MACC1: variants seen among roughly 807,000 people sequenced by gnomAD.
The protein encoded by MACC1 is metastasis-associated in colon cancer protein 1.
In MACC1, 79 loss-of-function variants were observed where a neutral mutation model predicts 70.7. The ratio of observed to expected loss-of-function variants is 1.12; its 90% CI spans 0.93 to 1.35. The LOEUF (loss-of-function observed/expected upper bound fraction) is 1.35, where lower values mean the gene tolerates loss of function less well. MACC1 is among the 40% of genes most tolerant of loss of function. The pLI, the probability that MACC1 is intolerant of heterozygous loss-of-function variation, is 0.00. For missense variants in MACC1, 1,106 were observed against 978.1 expected (o/e 1.13, Z -1.74); for synonymous variants, 361 against 347.2 (o/e 1.04, Z -0.44).
At chr7:20,189,940 G>C (rs1782648540) in intron 1 of MACC1, among the ~76,000 whole-genome samples, 1 of 152,068 alleles carries the variant, frequency 6.6e-6, no homozygotes, top group Admixed American at 6.6e-5. Context: ...TTCTTGGTGA[G>C]GGCCCTCTTC....
chr7:20,188,314 G>C (rs1056648318), intron 1 of MACC1, among the ~76,000 whole-genome samples: 3 of 152,046 alleles, frequency 2.0e-5, no homozygotes, highest in African/African-American at 7.2e-5. Context: ...CCCTTTGCTT[G>C]GATTTCTTTC....
At chr7:20,152,326 C>A (rs962078022) in intron 6 of MACC1, among the ~76,000 whole-genome samples, 5 of 152,070 alleles carry the variant, frequency 3.3e-5, no homozygotes, top group Non-Finnish European at 4.4e-5. Flanking sequence ...CACCCCCTAC[C>A]CAGAACTAAT....
intron 3 of MACC1, 47 bp from the exon 4 acceptor site, chr7:20,161,917 G>T: frequency 1.8e-6 from 2 of 1,122,082 alleles, no homozygotes; most frequent in South Asian, 1.3e-5. Flanking sequence ...ACATATACAG[G>T]CTGGCAGAGA....
chr7:20,196,166 T>A (rs1184258347), intron 1 of MACC1, among the ~76,000 whole-genome samples: 1 of 152,004 alleles, frequency 6.6e-6, no homozygotes, highest in South Asian at 2.1e-4. Flanking sequence ...TGGTAATAAT[T>A]TTCAGGTTTT....
intron 1 of MACC1, among the ~76,000 whole-genome samples, chr7:20,210,337 A>T (rs548887404): frequency 6.6e-6 from 1 of 152,274 alleles, no homozygotes; most frequent in African/African-American, 2.4e-5. Context: ...CTCACTGCAC[A>T]TCCACAGCCT....
chr7:20,193,482 G>C (rs1009687758), intron 1 of MACC1, among the ~76,000 whole-genome samples: 7 of 152,230 alleles, frequency 4.6e-5, no homozygotes. Context: ...TGATGGTCAT[G>C]AGACACAACT....
intron 1 of MACC1, among the ~76,000 whole-genome samples, chr7:20,182,064 C>T (rs944265331): frequency 2.0e-5 from 3 of 151,426 alleles, no homozygotes; most frequent in African/African-American, 7.3e-5. Flanking sequence ...AGCTGGAAAC[C>T]ATCATTCTCA....
intron 6 of MACC1, among the ~76,000 whole-genome samples, chr7:20,148,876 T>C (rs1435938984): frequency 1.3e-5 from 2 of 152,232 alleles, no homozygotes; most frequent in Non-Finnish European, 2.9e-5. Context: ...AACTGGTATG[T>C]GAATTTCCAT....
Position 20,144,845 on chromosome 7 carries a change from C to A in MACC1, c.2347-3687G>T, listed in dbSNP as rs1031318072. ...GAAAAAAGGGATGCAAAATTTAATTCTCAACTAAGTCAATTATTAGTGGAT... is the reference window on the plus strand; with the variant it reads ...GAAAAAAGGGATGCAAAATTTAATTATCAACTAAGTCAATTATTAGTGGAT... On this transcript the variant is annotated intron_variant, in intron 6 of 6. Transcript: ENST00000400331. 2.6e-4 allele frequency among the ~76,000 whole-genome samples: 40 copies of A among 152,100 alleles called. 1 individual carries two copies. The highest frequency in any genetic ancestry group is 2.6e-3 in the Admixed American group (40 of 15,262).
chr7:20,208,710 A>C (rs1473010850), intron 1 of MACC1, among the ~76,000 whole-genome samples: 2 of 152,238 alleles, frequency 1.3e-5, no homozygotes, highest in Admixed American at 1.3e-4. Context: ...AAATTTGCAT[A>C]AGTAACGAGG....
At chr7:20,176,672 C>G (rs889744581) in intron 1 of MACC1, among the ~76,000 whole-genome samples, 1 of 152,086 alleles carries the variant, frequency 6.6e-6, no homozygotes, top group African/African-American at 2.4e-5. Context: ...CTGGAAACAA[C>G]CAAAATGTCC....
chr7:20,200,776 A>G (rs575548715), intron 1 of MACC1, among the ~76,000 whole-genome samples: 1 of 152,214 alleles, frequency 6.6e-6, no homozygotes, highest in Non-Finnish European at 1.5e-5. Flanking sequence ...GAGCCATTCA[A>G]TATTTTCATG....
At chr7:20,152,594 A>T (rs1781996945) in intron 6 of MACC1, among the ~76,000 whole-genome samples, 1 of 152,182 alleles carries the variant, frequency 6.6e-6, no homozygotes, top group South Asian at 2.1e-4. Flanking sequence ...CAATAAGTTG[A>T]ACTATCATAG....
intron 1 of MACC1, among the ~76,000 whole-genome samples, chr7:20,196,762 T>C (rs1782761010): frequency 6.6e-6 from 1 of 152,112 alleles, no homozygotes; most frequent in African/African-American, 2.4e-5. Flanking sequence ...AGAACCGGTT[T>C]TCTCAAATGA....
intron 6 of MACC1, among the ~76,000 whole-genome samples, chr7:20,142,277 G>A (rs17142488): frequency 0.017 from 2,597 of 152,140 alleles, 88 homozygotes; most frequent in African/African-American, 0.059. Flanking sequence ...AAGAATTAAA[G>A]ACCTAAATAG....
Position 20,204,217 on chromosome 7 carries a change from T to C in MACC1, c.-218+13082A>G, listed in dbSNP as rs188260828. On this transcript the variant is annotated intron_variant, in intron 1 of 6. Transcript: ENST00000400331. The stretch of plus-strand genomic sequence containing the variant: ...TTGCACAGGCTGGAGTGTAGTGGCG[T>C]GATCTCGGCTCACTGCAAACTCCGC... Among the ~76,000 whole-genome samples, 39 of 152,230 alleles carry C rather than the reference T, an allele frequency of 2.6e-4. No homozygotes were observed. The East Asian group carries it at 6.0e-3, about 23-fold the overall frequency.
At chr7:20,166,455 C>T (rs1250632460) in intron 2 of MACC1, among the ~76,000 whole-genome samples, 2 of 152,108 alleles carry the variant, frequency 1.3e-5, no homozygotes, top group African/African-American at 4.8e-5. Context: ...TGGATCTTAC[C>T]CTAGGGCAAC....
rs142194639 is a variant in MACC1 at position 20,150,070 on chromosome 7, A to G, written c.2346+4123T>C. On this transcript the variant is annotated intron_variant, in intron 6 of 6. Transcript: ENST00000400331. The stretch of plus-strand genomic sequence containing the variant: ...GAGATACTGTAAAGAAAATGCTCAT[A>G]ATGACTAGCTGACAATGAACATTTG... Among the ~76,000 whole-genome samples, 1,296 of 152,326 alleles carry G rather than the reference A, an allele frequency of 8.5e-3. 18 individuals carry two copies. Among genetic ancestry groups the G allele is most frequent in the African/African-American group, 0.029 (1,221 of 41,562 alleles).
chr7:20,196,337 C>T (rs914672584), intron 1 of MACC1, among the ~76,000 whole-genome samples: 1 of 152,020 alleles, frequency 6.6e-6, no homozygotes, highest in African/African-American at 2.4e-5. Flanking sequence ...CCCGCCACCA[C>T]GCCCGGCTAA....
Sources: allele counts gnomAD v4.1 joint callset (sites outside exome capture counted in the v4.1 genomes callset), GRCh38; gene constraint gnomAD v4.1.1; transcripts MANE v1.5; gene names NCBI Gene and HGNC (gene_info 2026-07-23, HGNC 2026-07-21).